Variants in MFHAS1 observed in about 807,000 individuals in gnomAD.
MFHAS1 encodes the protein malignant fibrous histiocytoma-amplified sequence 1.
A neutral mutation model predicts 70.4 loss-of-function variants in MFHAS1; 50 were observed. The observed-to-expected ratio is 0.71, with a 90% confidence interval of 0.57 to 0.90. The LOEUF (loss-of-function observed/expected upper bound fraction) is 0.90, where lower values mean the gene tolerates loss of function less well. Ranked by LOEUF, MFHAS1 falls within the 40% of genes least tolerant of loss-of-function variation. The probability of loss-of-function intolerance (pLI) is 0.00; values close to 1 mark genes in which losing one functional copy is unlikely to be tolerated. For missense variants in MFHAS1, 1,795 were observed against 1,347.6 expected (o/e 1.33, Z -5.20); for synonymous variants, 952 against 620.0 (o/e 1.54, Z -7.96).
intron 1 of MFHAS1, among the ~76,000 whole-genome samples, chr8:8,805,942 C>T (rs112779777): frequency 0.039 from 5,862 of 152,096 alleles, 228 homozygotes; most frequent in South Asian, 0.11. Flanking sequence ...TCAGGTGACC[C>T]GCCCACCTTG....
At chr8:8,798,765 C>T (rs570654399) in intron 1 of MFHAS1, among the ~76,000 whole-genome samples, 7 of 152,206 alleles carry the variant, frequency 4.6e-5, no homozygotes, top group South Asian at 4.2e-4. Flanking sequence ...CTAGAGACTC[C>T]GGGCTGGGCG....
At chr8:8,829,699 T>C (rs868562778) in intron 1 of MFHAS1, among the ~76,000 whole-genome samples, 6 of 151,990 alleles carry the variant, frequency 3.9e-5, no homozygotes, top group African/African-American at 7.3e-5. Context: ...AAACAAAAGA[T>C]TGCGAGATCT....
chr8:8,872,187 C>G (rs758465174), intron 1 of MFHAS1, among the ~76,000 whole-genome samples: 6 of 152,204 alleles, frequency 3.9e-5, no homozygotes, highest in Non-Finnish European at 8.8e-5. Flanking sequence ...GACACACCAC[C>G]AGATTCTTCA....
At chr8:8,841,561 T>C (rs925970747) in intron 1 of MFHAS1, among the ~76,000 whole-genome samples, 5 of 152,182 alleles carry the variant, frequency 3.3e-5, no homozygotes, top group South Asian at 2.1e-4. Context: ...ACATGCTGAA[T>C]GTAAGAGGCC....
rs769328530 is a variant in MFHAS1 at position 8,783,720 on chromosome 8, C to G, written c.*2302G>C. On this transcript the variant is annotated 3_prime_UTR_variant, in exon 3 of 3. Coordinates refer to ENST00000276282, the MANE Select transcript of MFHAS1 (RefSeq NM_004225.3). ...GACGCCTTGCTTAGAAAACATTCCT[C>G]TTGTGCTTAGTGAATCACCTATCGC... 2 of 152,200 alleles carry G rather than the reference C, an allele frequency of 1.3e-5. No individual in the cohort carries two copies. The highest frequency in any genetic ancestry group is 1.3e-4 in the Admixed American group (2 of 15,276). The allele number at this position is 152,200 out of a possible 1,614,324, so 9.4% of individuals were successfully genotyped here. A position where few individuals can be genotyped will look rare whatever the true frequency, so the allele number is the denominator to read the frequency against.
At position 8,806,972 on chromosome 8, in the gene MFHAS1, G is replaced by A. The variant is rs924755118; in HGVS notation, c.2999-9481C>T. On this transcript the variant is annotated intron_variant, in intron 1 of 2. Transcript: ENST00000276282. Reference sequence around the variant, plus strand: ...CCAGACTCTGTCTCAAAAAAAAAAAGAAAACACAGAAAGGAACCATGAGGC... The same window carrying A: ...CCAGACTCTGTCTCAAAAAAAAAAAAAAAACACAGAAAGGAACCATGAGGC... 1.1e-3 allele frequency among the ~76,000 whole-genome samples: 163 copies of A among 150,960 alleles called. 1 individual carries two copies. The highest frequency in any genetic ancestry group is 3.7e-3 in the African/African-American group (153 of 40,814).
In MFHAS1 at chr8:8,890,912, AAGTAG is replaced by A; in HGVS notation, c.2142_2146del (p.Tyr715Ter). ...CTCCTTGAGAGCCGGACTGTCCTCAAAGTAGAGTAGCTTGCCGCTCTCATGCAGGT... is the reference window on the plus strand; with the variant it reads ...CTCCTTGAGAGCCGGACTGTCCTCAAAGTAGCTTGCCGCTCTCATGCAGGT... On this transcript the variant is annotated frameshift_variant, in exon 1 of 3. Transcript: ENST00000276282. LOFTEE classifies it high-confidence loss of function. The A allele has an allele frequency of 6.2e-7, 1 of 1,614,120 alleles. No individual in the cohort carries two copies. Among genetic ancestry groups the A allele is most frequent in the Non-Finnish European group, 8.5e-7 (1 of 1,180,028 alleles).
intron 1 of MFHAS1, among the ~76,000 whole-genome samples, chr8:8,867,029 G>C (rs1808885309): frequency 6.6e-6 from 1 of 152,212 alleles, no homozygotes; most frequent in Non-Finnish European, 1.5e-5. Flanking sequence ...AAGAGAAAGA[G>C]AGATGGGTTG....
intron 1 of MFHAS1, among the ~76,000 whole-genome samples, chr8:8,850,854 C>T (rs1484078091): frequency 3.3e-5 from 5 of 150,534 alleles, no homozygotes; most frequent in African/African-American, 1.2e-4. Flanking sequence ...CCAGAAAGAT[C>T]AGGTCAGCAC....
chr8:8,804,770 C>G (rs1049206958), intron 1 of MFHAS1, among the ~76,000 whole-genome samples: 2 of 152,216 alleles, frequency 1.3e-5, no homozygotes, highest in Non-Finnish European at 2.9e-5. Context: ...TGAATAACGC[C>G]AGGGAAGCCG....
intron 1 of MFHAS1, among the ~76,000 whole-genome samples, chr8:8,874,453 G>A (rs1255876277): frequency 6.6e-6 from 1 of 151,950 alleles, no homozygotes; most frequent in Admixed American, 6.6e-5. Context: ...TCAAATGCGA[G>A]GTGCAGAACA....
At chr8:8,810,523 C>A (rs560940400) in intron 1 of MFHAS1, among the ~76,000 whole-genome samples, 1 of 152,204 alleles carries the variant, frequency 6.6e-6, no homozygotes, top group African/African-American at 2.4e-5. Context: ...TCACTCAATA[C>A]GAAGACGATG....
rs1230475713 is a variant in MFHAS1, at chr8:8,890,180, G to T, written c.2879C>A (p.Thr960Asn). ...PNIWTAWQAI[T>N]PLVEELNVLL... ...GACATTCAGTTCCTCCACCAAGGGG[G>T]TTATGGCTTGCCATGCGGTCCATAT... Residue 960 changes from threonine (T) to asparagine (N), a missense_variant, in exon 1 of 3, where the codon ACC (threonine) becomes AAC (asparagine). Transcript: ENST00000276282. 5.0e-6 allele frequency: 8 copies of T among 1,614,048 alleles called. No individual in the cohort carries two copies. The highest frequency in any genetic ancestry group is 6.8e-6 in the Non-Finnish European group (8 of 1,180,040).
chr8:8,825,373 A>G (rs760467456), intron 1 of MFHAS1, among the ~76,000 whole-genome samples: 8 of 152,198 alleles, frequency 5.3e-5, no homozygotes, highest in South Asian at 4.1e-4. Context: ...GAGTTTCACC[A>G]TGTTGGCCAG....
At chr8:8,820,715 A>T (rs985374572) in intron 1 of MFHAS1, among the ~76,000 whole-genome samples, 2 of 152,152 alleles carry the variant, frequency 1.3e-5, no homozygotes, top group African/African-American at 2.4e-5. Context: ...CTCTGAGATT[A>T]TCTCTAGTCA....
At position 8,810,338 on chromosome 8, in the gene MFHAS1, T is replaced by C. The variant is rs1353891786; in HGVS notation, c.2999-12847A>G. ...CCTAGATCATGCCACTGTACTCCAG[T>C]ATGGGCGGCAAAGCAAGACCGTCTT... On this transcript the variant is annotated intron_variant, in intron 1 of 2. Transcript: ENST00000276282. 3.3e-5 allele frequency among the ~76,000 whole-genome samples: 5 copies of C among 152,216 alleles called. No individual in the cohort carries two copies. In the East Asian group the frequency reaches 7.7e-4, roughly 24 times the overall value.
chr8:8,862,537 T>G (rs907020043), intron 1 of MFHAS1, among the ~76,000 whole-genome samples: 2 of 152,004 alleles, frequency 1.3e-5, no homozygotes, highest in Non-Finnish European at 2.9e-5. Context: ...TTATTTAGTT[T>G]CTATGCTAAA....
chr8:8,823,878 C>T (rs190884604), intron 1 of MFHAS1, among the ~76,000 whole-genome samples: 3 of 131,120 alleles, frequency 2.3e-5, no homozygotes, highest in Admixed American at 9.3e-5. Context: ...ATCTTAGCCA[C>T]GTCGTGCATA....
chr8:8,863,743 C>T (rs1481507003), intron 1 of MFHAS1, among the ~76,000 whole-genome samples: 1 of 152,136 alleles, frequency 6.6e-6, no homozygotes, highest in African/African-American at 2.4e-5. Context: ...TAACTGAAAC[C>T]CACCCCATCA....
Sources: gnomAD v4.1 joint callset for allele counts (sites outside exome capture counted in the v4.1 genomes callset) on GRCh38, gnomAD v4.1.1 for gene constraint, MANE v1.5 for transcripts, NCBI Gene and HGNC (gene_info 2026-07-23, HGNC 2026-07-21) for gene names.